The following UBE2G2 variants were observed in gnomAD, a reference collection of about 807,000 sequenced individuals.
The protein encoded by UBE2G2 is ubiquitin conjugating enzyme E2 G2, also known as ubiquitin-conjugating enzyme E2 G2.
Under a neutral mutation model 23.0 loss-of-function variants are expected in UBE2G2, and 10 were observed. The ratio of observed to expected loss-of-function variants is 0.43; its 90% confidence interval spans 0.27 to 0.74. The LOEUF (loss-of-function observed/expected upper bound fraction) is 0.74, where lower values mean the gene tolerates loss of function less well. Ranked by LOEUF, UBE2G2 falls within the 30% of genes least tolerant of loss-of-function variation. UBE2G2 has a pLI of 0.19. For synonymous variants in UBE2G2, 86 were observed against 81.3 expected (o/e 1.06, Z -0.31); for missense variants, 150 against 218.3 (o/e 0.69, Z 1.97).
At chr21:44,786,806 A>G (rs2082999862) in intron 3 of UBE2G2, among the ~76,000 whole-genome samples, 1 of 152,138 alleles carries the variant, frequency 6.6e-6, no homozygotes, top group South Asian at 2.1e-4. Context: ...GATAACAAAG[A>G]CTGGGCTTGG....
intron 1 of UBE2G2, among the ~76,000 whole-genome samples, chr21:44,796,826 T>C (rs1389611782): frequency 1.3e-5 from 2 of 152,210 alleles, no homozygotes; most frequent in Non-Finnish European, 2.9e-5. Flanking sequence ...TCTGGGATCA[T>C]TCTCAGCTTC....
At chr21:44,779,965 T>C (rs1344260181) in intron 3 of UBE2G2, among the ~76,000 whole-genome samples, 1 of 152,190 alleles carries the variant, frequency 6.6e-6, no homozygotes, top group African/African-American at 2.4e-5. Flanking sequence ...TCAATATTTC[T>C]GGCACCTCTG....
At chr21:44,779,738 C>T (rs1555961091) in intron 3 of UBE2G2, among the ~76,000 whole-genome samples, 1 of 152,208 alleles carries the variant, frequency 6.6e-6, no homozygotes, top group Non-Finnish European at 1.5e-5. Context: ...ATTCTCCACA[C>T]GCCCTCTGAT....
At chr21:44,800,291 G>C (rs924813535) in intron 1 of UBE2G2, 1 of 152,184 alleles carries the variant, frequency 6.6e-6, no homozygotes, top group African/African-American at 2.4e-5. Flanking sequence ...GCAGACACTA[G>C]GTGGCGAGCG....
chr21:44,787,819 T>C, intron 3 of UBE2G2, 101 bp downstream of exon 3: 1 of 1,388,686 alleles, frequency 7.2e-7, no homozygotes, highest in Non-Finnish European at 9.9e-7. Context: ...CTCAGTCTTT[T>C]TTCCAGCTGA....
intron 4 of UBE2G2, 54 bp from the exon 5 acceptor site, chr21:44,773,741 C>T (rs2082891832): frequency 6.3e-7 from 1 of 1,589,566 alleles, no homozygotes. Context: ...CGAGGCATCG[C>T]CGCGCTTGGG....
intron 3 of UBE2G2, among the ~76,000 whole-genome samples, chr21:44,785,428 G>A (rs1313085208): frequency 6.6e-6 from 1 of 152,182 alleles, no homozygotes; most frequent in Non-Finnish European, 1.5e-5. Context: ...AGATTTCAGT[G>A]CATCTTTGAC....
intron 1 of UBE2G2, among the ~76,000 whole-genome samples, chr21:44,796,064 C>G (rs193090875): frequency 2.6e-4 from 39 of 152,324 alleles, no homozygotes; most frequent in Admixed American, 2.4e-3. Flanking sequence ...TGTCTGGCCT[C>G]CAGAACAGTA....
intron 1 of UBE2G2, among the ~76,000 whole-genome samples, chr21:44,792,505 C>A (rs1555963073): frequency 6.6e-6 from 1 of 152,176 alleles, no homozygotes; most frequent in Non-Finnish European, 1.5e-5. Context: ...TTGGCTTGCT[C>A]TTCTCTCTCC....
intron 3 of UBE2G2, among the ~76,000 whole-genome samples, chr21:44,778,087 G>A (rs782411935): frequency 3.3e-5 from 5 of 152,210 alleles, no homozygotes; most frequent in Non-Finnish European, 5.9e-5. Context: ...TGCAGATGTG[G>A]TACAATCACA....
intron 1 of UBE2G2, among the ~76,000 whole-genome samples, 184 bp from the exon 2 acceptor site, chr21:44,788,279 GTTTT>G (rs1204675481): frequency 2.5e-5 from 3 of 121,722 alleles, no homozygotes. Flanking sequence ...ACTACACAAA[GTTTT>G]TTTGTTTTTT....
intron 3 of UBE2G2, among the ~76,000 whole-genome samples, chr21:44,782,052 C>A (rs943534642): frequency 6.6e-6 from 1 of 152,094 alleles, no homozygotes; most frequent in Non-Finnish European, 1.5e-5. Context: ...ACTTTTACAA[C>A]ATAAACTTTG....
Sources: gnomAD v4.1 joint callset for allele counts (sites outside exome capture counted in the v4.1 genomes callset) on GRCh38, gnomAD v4.1.1 for gene constraint, MANE v1.5 for transcripts, NCBI Gene and HGNC (gene_info 2026-07-23, HGNC 2026-07-21) for gene names.